Variants in TM4SF1 observed in about 807,000 individuals in gnomAD.
The protein encoded by TM4SF1 is transmembrane 4 L six family member 1.
In TM4SF1, 20 loss-of-function variants were observed where a neutral mutation model predicts 24.5. The observed-to-expected ratio is 0.82, with a 90% CI of 0.57 to 1.19. The LOEUF is 1.19. Among genes scored for constraint, TM4SF1 ranks in the 50% most tolerant of loss-of-function variants. TM4SF1 has a pLI of 0.00. For synonymous variants in TM4SF1, 107 were observed against 95.4 expected, an observed-to-expected ratio of 1.12 and a Z score of -0.71; for missense variants, 258 against 248.1, an observed-to-expected ratio of 1.04 and a Z score of -0.27.
chr3:149,377,223 T>G, intron 1 of TM4SF1, 148 bp downstream of exon 1: 1 of 1,051,776 alleles, frequency 9.5e-7, no homozygotes, highest in Non-Finnish European at 1.4e-6. Flanking sequence ...CAATCTCGCT[T>G]TTGTATAATC....
intron 3 of TM4SF1, 73 bp downstream of exon 3, chr3:149,375,370 T>A: frequency 6.4e-7 from 1 of 1,559,974 alleles, no homozygotes; most frequent in South Asian, 1.2e-5. Context: ...GATGCCTATC[T>A]GGTTTGATAG....
At position 149,375,533 on chromosome 3, in the gene TM4SF1, A is replaced by G. The variant is rs748963581; in HGVS notation, c.323T>C (p.Val108Ala). The part of the protein sequence containing the change: ...LIGIAGSGYC[V>A]IVAALGLAEG... ...TGCTAAGCCAAGGGCTGCCACAATG[A>G]CACAGTAGCCAGATCCTGCAATTCC... Residue 108 changes from valine to alanine, a missense_variant, in exon 3 of 5, where the codon GTC (valine) becomes GCC (alanine). By Grantham distance (64) the Val-to-Ala change is moderately conservative. Transcript: ENST00000305366. 1.2e-6 allele frequency: 2 copies of G among 1,614,238 alleles called. No homozygotes were observed. The highest frequency in any genetic ancestry group is 1.7e-6 in the Non-Finnish European group (2 of 1,180,040).
At chr3:149,371,911 G>A (rs1247922131) in intron 3 of TM4SF1, 44 bp from the exon 4 acceptor site, 3 of 1,583,514 alleles carry the variant, frequency 1.9e-6, no homozygotes, top group Non-Finnish European at 1.7e-6. Flanking sequence ...TCATACTTGA[G>A]GGGATACTTC....
chr3:149,370,095 G>A, intron 4 of TM4SF1: 1 of 482,012 alleles, frequency 2.1e-6, no homozygotes, highest in Non-Finnish European at 3.5e-6. Context: ...CTGCAGAAAG[G>A]GCCCATAGAA....
At chr3:149,377,313 C>T (rs929449578) in intron 1 of TM4SF1, 58 bp downstream of exon 1, 11 of 1,538,742 alleles carry the variant, frequency 7.1e-6, no homozygotes, top group Middle Eastern at 1.8e-4. Context: ...CATGAAAATA[C>T]ATAATGAAAA....
Position 149,375,540 on chromosome 3 carries a change from A to C in TM4SF1, c.316T>G (p.Tyr106Asp). Residue 106 changes from tyrosine to aspartate, a missense_variant, in exon 3 of 5, where the codon TAC (tyrosine) becomes GAC (aspartate). Transcript: ENST00000305366. ...AALIGIAGSG[Y>D]CVIVAALGLA... ...CCAAGGGCTGCCACAATGACACAGTAGCCAGATCCTGCAATTCCAATGAGA... is the reference window on the plus strand; with the variant it reads ...CCAAGGGCTGCCACAATGACACAGTCGCCAGATCCTGCAATTCCAATGAGA... 6.2e-7 allele frequency: 1 copy of C among 1,614,268 alleles called. No homozygotes were observed. Among genetic ancestry groups the C allele is most frequent in the Non-Finnish European group, 8.5e-7 (1 of 1,180,048 alleles).
intron 4 of TM4SF1, chr3:149,370,638 C>T (rs943746800): frequency 2.0e-5 from 3 of 152,176 alleles, no homozygotes; most frequent in African/African-American, 7.2e-5. Flanking sequence ...GAAGGTTTCC[C>T]ATTCCCTTAT....
chr3:149,377,265 G>A, intron 1 of TM4SF1, 106 bp downstream of exon 1: 1 of 1,403,436 alleles, frequency 7.1e-7, no homozygotes, highest in East Asian at 2.4e-5. Context: ...CAACAAAAAA[G>A]TCACTTGATT....
At chr3:149,372,821 A>G (rs1443100667) in intron 3 of TM4SF1, among the ~76,000 whole-genome samples, 2 of 152,282 alleles carry the variant, frequency 1.3e-5, no homozygotes, top group East Asian at 3.9e-4. Context: ...GCTGTGCCCA[A>G]GAGTTGATAA....
rs1289427015 is a variant in TM4SF1 at position 149,369,326 on chromosome 3, G to A, written c.*540C>T. ...ATTTGGATTGGAACATTCTCAATCA[G>A]TCCTTCCACTCTAAGTAAATATTTG... On this transcript the variant is annotated 3_prime_UTR_variant, in exon 5 of 5. Coordinates refer to ENST00000305366, the MANE Select transcript of TM4SF1 (RefSeq NM_014220.3). 1 of 153,668 alleles carries A rather than the reference G, an allele frequency of 6.5e-6. No homozygotes were observed. The highest frequency in any genetic ancestry group is 2.4e-5 in the African/African-American group (1 of 41,454). The allele number at this position is 153,668 out of a possible 1,614,324, so 9.5% of individuals were successfully genotyped here. A position where few individuals can be genotyped will look rare whatever the true frequency, so the allele number is the denominator to read the frequency against.
rs1488235732 is a variant in TM4SF1 at position 149,377,617 on chromosome 3, T to A, written c.-70A>T. ...AGTGATACCCCAAATTAGATGAAAG[T>A]GTGCCCTTCTGGTGGAGAAAGCAAA... is the stretch of plus-strand genomic sequence containing the variant. On this transcript the variant is annotated 5_prime_UTR_variant, in exon 1 of 5. Transcript: ENST00000305366. 1 of 1,544,192 alleles carries A rather than the reference T, an allele frequency of 6.5e-7. No individual in the cohort carries two copies. Among genetic ancestry groups the A allele is most frequent in the Non-Finnish European group, 8.7e-7 (1 of 1,145,286 alleles).
At chr3:149,372,293 T>C (rs969658469) in intron 3 of TM4SF1, among the ~76,000 whole-genome samples, 3 of 152,202 alleles carry the variant, frequency 2.0e-5, no homozygotes, top group African/African-American at 7.2e-5. Flanking sequence ...AAGTAGAGTA[T>C]GTGTAGGTGT....
At position 149,369,127 on chromosome 3, in the gene TM4SF1, T is replaced by A. The variant is rs1286391850; in HGVS notation, c.*739A>T. On this transcript the variant is annotated 3_prime_UTR_variant, in exon 5 of 5. Transcript: ENST00000305366. ...CCATGTTCCAATGATGCTGATCAAC[T>A]GCTTTATTCAGTTTCCCATCTTTCT... 1 of 152,228 alleles carries A rather than the reference T, an allele frequency of 6.6e-6. No homozygotes were observed. Among genetic ancestry groups the A allele is most frequent in the Admixed American group, 6.5e-5 (1 of 15,280 alleles). 9.4% of individuals were successfully genotyped at this position (152,228 alleles called of 1,614,324 possible). A position where few individuals can be genotyped will look rare whatever the true frequency, so the allele number is the denominator to read the frequency against.
chr3:149,369,657 AAAACAAAAACAAATAAAC>A lies in TM4SF1; in HGVS notation c.*191_*208del. The A allele has an allele frequency of 1.7e-6, 1 of 599,070 alleles. No individual in the cohort carries two copies. Among genetic ancestry groups the A allele is most frequent in the Non-Finnish European group, 2.7e-6 (1 of 364,986 alleles). The allele number at this position is 599,070 out of a possible 1,614,324, so 37.1% of individuals were successfully genotyped here. On this transcript the variant is annotated 3_prime_UTR_variant, in exon 5 of 5. Coordinates refer to ENST00000305366, the MANE Select transcript of TM4SF1 (RefSeq NM_014220.3). ...GGTTTGTTTCCTCATTCCTTAAAAA[AAAACAAAAACAAATAAAC>A]AAACAAAAAAGAAGTTTACTAAATT...
At chr3:149,372,064 T>C (rs770955598) in intron 3 of TM4SF1, among the ~76,000 whole-genome samples, 197 bp from the exon 4 acceptor site, 10 of 152,216 alleles carry the variant, frequency 6.6e-5, no homozygotes, top group Non-Finnish European at 1.2e-4. Context: ...AAACATAAAA[T>C]TATAATTTAT....
intron 4 of TM4SF1, chr3:149,371,362 G>A (rs1731815413): frequency 1.9e-6 from 1 of 530,586 alleles, no homozygotes; most frequent in South Asian, 2.5e-5. Context: ...AGCAAACAAA[G>A]AGCAGACATC....
At chr3:149,370,018 G>A (rs1731783273) in intron 4 of TM4SF1, 138 bp from the exon 5 acceptor site, 3 of 1,075,728 alleles carry the variant, frequency 2.8e-6, no homozygotes, top group Non-Finnish European at 4.0e-6. Context: ...CCATACTTAG[G>A]GCTTGGACAA....
intron 3 of TM4SF1, among the ~76,000 whole-genome samples, chr3:149,374,941 G>C (rs531748934): frequency 4.8e-4 from 73 of 152,284 alleles, no homozygotes; most frequent in Non-Finnish European, 1.3e-4. Context: ...AGACTGCCTG[G>C]GTTCAAATGC....
At chr3:149,370,134 T>C (rs1731785935) in intron 4 of TM4SF1, 4 of 371,160 alleles carry the variant, frequency 1.1e-5, no homozygotes, top group Non-Finnish European at 1.9e-5. Flanking sequence ...TGGGTTGCTT[T>C]GAGTGCATTT....
Sources: gnomAD v4.1 joint callset for allele counts (sites outside exome capture counted in the v4.1 genomes callset) on GRCh38, gnomAD v4.1.1 for gene constraint, MANE v1.5 for transcripts, NCBI Gene and HGNC (gene_info 2026-07-23, HGNC 2026-07-21) for gene names.